The following GOT1 variants were observed in gnomAD, a reference collection of about 807,000 sequenced individuals.
The protein encoded by GOT1 is glutamic-oxaloacetic transaminase 1, also known as aspartate aminotransferase, cytoplasmic.
A neutral mutation model predicts 48.2 loss-of-function variants in GOT1; 25 were observed. The observed-to-expected ratio is 0.52, with a 90% CI of 0.38 to 0.72. GOT1 has a LOEUF of 0.72. Among genes scored for constraint, GOT1 ranks in the 30% least tolerant of loss-of-function variants. The pLI, the probability that GOT1 is intolerant of heterozygous loss-of-function variation, is 0.00. For missense variants in GOT1, 380 were observed against 520.1 expected, an observed-to-expected ratio of 0.73 and a Z score of 2.62; for synonymous variants, 188 against 193.8, an observed-to-expected ratio of 0.97 and a Z score of 0.25.
At chr10:99,404,078 T>C (rs1757081253) in intron 5 of GOT1, among the ~76,000 whole-genome samples, 1 of 152,228 alleles carries the variant, frequency 6.6e-6, no homozygotes, top group Non-Finnish European at 1.5e-5. Flanking sequence ...AACTTTACTT[T>C]TTAAAAGTAA....
chr10:99,423,685 G>A (rs993049529), intron 1 of GOT1, among the ~76,000 whole-genome samples: 1 of 152,092 alleles, frequency 6.6e-6, no homozygotes, highest in Non-Finnish European at 1.5e-5. Context: ...GTCTCACTCT[G>A]TTGCCCAGGT....
At chr10:99,427,221 G>C (rs973062089) in intron 1 of GOT1, among the ~76,000 whole-genome samples, 1 of 152,046 alleles carries the variant, frequency 6.6e-6, no homozygotes, top group Non-Finnish European at 1.5e-5. Context: ...ATGTGCTAGT[G>C]AATTGTGGAG....
rs546933262 is a variant in GOT1 at position 99,416,158 on chromosome 10, G to C, written c.300+4466C>G. Reference sequence around the variant, plus strand: ...GAAAAGAGGAAGTCAAATTGTCCCTGTTTGCAGATGACATGATTGTGTATC... The same window carrying C: ...GAAAAGAGGAAGTCAAATTGTCCCTCTTTGCAGATGACATGATTGTGTATC... On this transcript the variant is annotated intron_variant, in intron 2 of 8. Transcript: ENST00000370508. 7.9e-5 allele frequency among the ~76,000 whole-genome samples: 12 copies of C among 152,296 alleles called. No homozygotes were observed. In the East Asian group the frequency reaches 2.3e-3, roughly 29 times the overall value.
intron 2 of GOT1, among the ~76,000 whole-genome samples, chr10:99,415,256 G>A (rs1279060813): frequency 6.6e-6 from 1 of 151,890 alleles, no homozygotes; most frequent in African/African-American, 2.4e-5. Flanking sequence ...ATGATAAAGG[G>A]GATATCACCA....
intron 1 of GOT1, among the ~76,000 whole-genome samples, chr10:99,428,511 C>T (rs1431413809): frequency 1.3e-5 from 2 of 152,154 alleles, no homozygotes; most frequent in African/African-American, 4.8e-5. Context: ...GTGTGCACCA[C>T]CACGTCTGGC....
chr10:99,406,522 TCTA>T (rs2032757863), intron 3 of GOT1, among the ~76,000 whole-genome samples: 1 of 152,212 alleles, frequency 6.6e-6, no homozygotes, highest in South Asian at 2.1e-4. Flanking sequence ...TAGATACAAG[TCTA>T]CTAAGAGTCT....
At chr10:99,411,599 T>C (rs1376664936) in intron 2 of GOT1, among the ~76,000 whole-genome samples, 7 of 152,244 alleles carry the variant, frequency 4.6e-5, no homozygotes, top group Non-Finnish European at 1.0e-4. Flanking sequence ...GCTCCATTTT[T>C]ATAGCATTTA....
At chr10:99,422,818 G>A (rs1228685226) in intron 1 of GOT1, among the ~76,000 whole-genome samples, 5 of 152,154 alleles carry the variant, frequency 3.3e-5, no homozygotes, top group Admixed American at 1.3e-4. Flanking sequence ...TTACATTTGC[G>A]CATAGAGAGC....
chr10:99,406,865 C>T lies in GOT1; in HGVS notation c.301-16G>A. ...CACCTCCTACCTGAAAGAGAAGAAA[C>T]AGGGTCACAGGCTGATAATGGTGAG... On this transcript the variant is annotated splice_polypyrimidine_tract_variant and intron_variant, in intron 2 of 8. Transcript: ENST00000370508. The T allele has an allele frequency of 6.2e-7, 1 of 1,613,130 alleles. No individual in the cohort carries two copies. The highest frequency in any genetic ancestry group is 8.5e-7 in the Non-Finnish European group (1 of 1,179,154).
chr10:99,398,931 C>G (rs1024189065), intron 8 of GOT1, among the ~76,000 whole-genome samples: 1 of 152,152 alleles, frequency 6.6e-6, no homozygotes, highest in African/African-American at 2.4e-5. Context: ...GATTTTCAGG[C>G]AGGATTTCAA....
At chr10:99,398,825 T>C (rs778055449) in intron 8 of GOT1, among the ~76,000 whole-genome samples, 2 of 152,208 alleles carry the variant, frequency 1.3e-5, no homozygotes, top group Admixed American at 6.5e-5. Flanking sequence ...TCTTAGTTCA[T>C]CCTGATAATA....
chr10:99,430,197 TGAG>T, intron 1 of GOT1: 1 of 1,012,688 alleles, frequency 9.9e-7, no homozygotes, highest in Admixed American at 2.1e-5. Flanking sequence ...TCGGAAAGAC[TGAG>T]TTTGTGTCTT....
chr10:99,404,334 C>G (rs1399173170), intron 5 of GOT1, among the ~76,000 whole-genome samples: 2 of 152,178 alleles, frequency 1.3e-5, no homozygotes, highest in Non-Finnish European at 2.9e-5. Flanking sequence ...GAACCTGCTT[C>G]TACAGCTGTG....
intron 2 of GOT1, among the ~76,000 whole-genome samples, chr10:99,417,455 A>T (rs972877632): frequency 5.9e-5 from 9 of 152,212 alleles, no homozygotes; most frequent in Non-Finnish European, 8.8e-5. Flanking sequence ...GATGTGGAGA[A>T]ATAGGAACAC....
intron 8 of GOT1, 33 bp downstream of exon 8, chr10:99,402,547 A>G: frequency 6.2e-7 from 1 of 1,611,950 alleles, no homozygotes. Flanking sequence ...GTCTACATGC[A>G]CGCATGGGCT....
intron 5 of GOT1, among the ~76,000 whole-genome samples, chr10:99,404,929 A>G (rs575702989): frequency 6.6e-6 from 1 of 151,884 alleles, no homozygotes; most frequent in Non-Finnish European, 1.5e-5. Flanking sequence ...TCCCCATCCT[A>G]CAGGACTCAA....
chr10:99,406,267 A>G lies in GOT1; in HGVS notation c.425-18T>C, dbSNP rs1317894894. 6 of 1,567,382 alleles carry G rather than the reference A, an allele frequency of 3.8e-6. No individual in the cohort carries two copies. The highest frequency in any genetic ancestry group is 5.3e-6 in the Non-Finnish European group (6 of 1,137,526). On this transcript the variant is annotated intron_variant, in intron 3 of 8. Transcript: ENST00000370508. ...GTGATTCTCTGCATGCAAAGAAGTAAAAAGTTAAGCACTTTACAAACACTA... is the reference window on the plus strand; with the variant it reads ...GTGATTCTCTGCATGCAAAGAAGTAGAAAGTTAAGCACTTTACAAACACTA...
intron 1 of GOT1, among the ~76,000 whole-genome samples, chr10:99,421,308 G>T (rs565729022): frequency 2.0e-5 from 3 of 152,252 alleles, no homozygotes; most frequent in Admixed American, 6.5e-5. Context: ...GAGAAGGAGT[G>T]GAAGAAGGCC....
Position 99,416,508 on chromosome 10 carries a change from C to T in GOT1, c.300+4116G>A, listed in dbSNP as rs191029246. Among the ~76,000 whole-genome samples the T allele has an allele frequency of 1.2e-4, 18 of 152,236 alleles. No individual in the cohort carries two copies. In the East Asian group the frequency reaches 3.1e-3, roughly 26 times the overall value. ...GGAAGAATCAATATCATGAAAATGG[C>T]CATACTGTACAAGGTAATTTATAGA... On this transcript the variant is annotated intron_variant, in intron 2 of 8. Coordinates refer to ENST00000370508, the MANE Select transcript of GOT1 (RefSeq NM_002079.3).
Sources: gnomAD v4.1 joint callset for allele counts (sites outside exome capture counted in the v4.1 genomes callset) on GRCh38, gnomAD v4.1.1 for gene constraint, MANE v1.5 for transcripts, NCBI Gene and HGNC (gene_info 2026-07-23, HGNC 2026-07-21) for gene names.